The following TTC7A variants were observed in gnomAD, a reference collection of about 807,000 sequenced individuals.
TTC7A encodes the protein tetratricopeptide repeat domain 7A.
TTC7A carries 110 observed loss-of-function variants against 103.7 expected under a neutral mutation model. The ratio of observed to expected loss-of-function variants is 1.06; its 90% CI spans 0.91 to 1.24. The LOEUF (loss-of-function observed/expected upper bound fraction) is 1.24. Ranked by LOEUF, TTC7A falls within the 50% of genes most tolerant of loss-of-function variation. TTC7A has a pLI of 0.00. For missense variants in TTC7A, 1,340 were observed against 1,116.3 expected (o/e 1.20, Z -2.86); for synonymous variants, 521 against 467.9 (o/e 1.11, Z -1.47).
chr2:47,005,771 A>G lies in TTC7A; in HGVS notation c.1066-151A>G. 4 of 811,998 alleles carry G rather than the reference A, an allele frequency of 4.9e-6. No individual in the cohort carries two copies. The South Asian group carries it at 6.6e-5, about 13-fold the overall frequency. 50.3% of individuals were successfully genotyped at this position (811,998 alleles called of 1,614,324 possible). A position where few individuals can be genotyped will look rare whatever the true frequency, so the allele number is the denominator to read the frequency against. On this transcript the variant is annotated intron_variant, in intron 8 of 19. Transcript: ENST00000319190. ...GAGAGGGCCTTTGTGGAGATAGGAA[A>G]AGGCCATTTCTGGGAGTGTGGCCAT...
intron 17 of TTC7A, chr2:47,050,360 T>A: frequency 2.6e-6 from 1 of 387,868 alleles, no homozygotes; most frequent in Non-Finnish European, 4.8e-6. Context: ...GAGGCCACAG[T>A]CCACGTAATG....
chr2:46,930,845 C>T (rs536497954), intron 2 of TTC7A, among the ~76,000 whole-genome samples: 1 of 152,204 alleles, frequency 6.6e-6, no homozygotes, highest in Non-Finnish European at 1.5e-5. Flanking sequence ...AATTTTTAAA[C>T]CTTCCCATAA....
intron 3 of TTC7A, among the ~76,000 whole-genome samples, chr2:46,970,203 G>A (rs1238444747): frequency 6.6e-6 from 1 of 152,070 alleles, no homozygotes; most frequent in Non-Finnish European, 1.5e-5. Context: ...TTCCCAGGCT[G>A]GTCTCAAACT....
intron 8 of TTC7A, chr2:46,999,682 C>T (rs919905014): frequency 3.0e-6 from 3 of 985,290 alleles, no homozygotes; most frequent in African/African-American, 1.7e-5. Flanking sequence ...TTGAAAGAAC[C>T]GTGTATCAAA....
chr2:47,058,684 G>T (rs1244214726), intron 18 of TTC7A, among the ~76,000 whole-genome samples: 3 of 152,252 alleles, frequency 2.0e-5, no homozygotes, highest in African/African-American at 2.4e-5. Context: ...CTCAGCCCCA[G>T]GAGTGGGCAG....
chr2:47,035,239 C>CAT (rs1360998143), intron 15 of TTC7A: 1 of 152,208 alleles, frequency 6.6e-6, no homozygotes, highest in Non-Finnish European at 1.5e-5. Context: ...GGATGCTTAG[C>CAT]ATACCAACAC....
chr2:46,956,789 C>A (rs1671892425), intron 2 of TTC7A, 50 bp from the exon 3 acceptor site: 2 of 1,609,004 alleles, frequency 1.2e-6, no homozygotes, highest in Middle Eastern at 1.7e-4. Flanking sequence ...GGGTGTTCAC[C>A]CCAAGGTAAC....
chr2:46,995,329 C>A, intron 8 of TTC7A, 130 bp downstream of exon 8: 2 of 878,264 alleles, frequency 2.3e-6, no homozygotes, highest in Non-Finnish European at 3.6e-6. Flanking sequence ...AAAGTAGATG[C>A]TTCTTGGCCC....
intron 5 of TTC7A, among the ~76,000 whole-genome samples, chr2:46,979,467 C>T (rs369136354): frequency 6.6e-6 from 1 of 152,082 alleles, no homozygotes; most frequent in African/African-American, 2.4e-5. Flanking sequence ...TGCTTGTTTT[C>T]CTGTGGGTTG....
intron 14 of TTC7A, among the ~76,000 whole-genome samples, chr2:47,025,074 C>T (rs1324154938): frequency 3.3e-5 from 5 of 152,254 alleles, no homozygotes; most frequent in Non-Finnish European, 7.3e-5. Flanking sequence ...ACCTGACTGC[C>T]TGGGGATTGC....
chr2:46,984,879 G>A (rs569308466), intron 5 of TTC7A, among the ~76,000 whole-genome samples: 1 of 152,194 alleles, frequency 6.6e-6, no homozygotes, highest in Non-Finnish European at 1.5e-5. Flanking sequence ...AGGACAGCCT[G>A]GGCAGCCCGT....
rs78637593 is a variant in TTC7A at position 47,007,459 on chromosome 2, A to T, written c.1287+735A>T. Among the ~76,000 whole-genome samples the T allele has an allele frequency of 3.0e-3, 450 of 152,322 alleles. 9 individuals are homozygous for T. The South Asian group carries it at 0.045, about 15-fold the overall frequency. ...GAGGATGCTATGAATGCAGGAAATAAGGTGGCATGAGCTTGCAGATTGTTC... is the reference window on the plus strand; with the variant it reads ...GAGGATGCTATGAATGCAGGAAATATGGTGGCATGAGCTTGCAGATTGTTC... On this transcript the variant is annotated intron_variant, in intron 10 of 19. Transcript: ENST00000319190. The surrounding 1 kb of genome is among the most constrained non-coding windows in gnomAD (Gnocchi z 4.9).
At chr2:47,039,186 C>G (rs1681475184) in intron 15 of TTC7A, among the ~76,000 whole-genome samples, 1 of 152,226 alleles carries the variant, frequency 6.6e-6, no homozygotes, top group Non-Finnish European at 1.5e-5. Context: ...CCCACATCAT[C>G]TGATGCTGAA....
At chr2:47,014,636 CAG>C (rs1191462431) in intron 11 of TTC7A, among the ~76,000 whole-genome samples, 1 of 152,156 alleles carries the variant, frequency 6.6e-6, no homozygotes, top group African/African-American at 2.4e-5. Flanking sequence ...GTGCATGAGA[CAG>C]GGCACAGATC....
chr2:46,971,794 C>G (rs940204633), intron 3 of TTC7A, among the ~76,000 whole-genome samples: 1 of 152,054 alleles, frequency 6.6e-6, no homozygotes, highest in Admixed American at 6.6e-5. Flanking sequence ...CCTCTACTTA[C>G]TACATGTAAA....
rs146031665 is a variant in TTC7A at position 46,983,994 on chromosome 2, T to G, written c.764+5087T>G. On this transcript the variant is annotated intron_variant, in intron 5 of 19. Transcript: ENST00000319190. ...CTTTATTCATCCATTTCAGGGATAT[T>G]TCTTAGGATAATGCATGCCACTTAG... Among the ~76,000 whole-genome samples the G allele has an allele frequency of 3.9e-3, 597 of 152,326 alleles. 8 individuals carry two copies. Among genetic ancestry groups the G allele is most frequent in the African/African-American group, 0.014 (581 of 41,570 alleles).
chr2:46,955,797 A>C (rs1004815385), intron 2 of TTC7A, among the ~76,000 whole-genome samples: 1 of 152,164 alleles, frequency 6.6e-6, no homozygotes, highest in Non-Finnish European at 1.5e-5. Context: ...CAGGGGTAGC[A>C]CCTTCCTGCC....
At chr2:46,931,718 A>ATAAATAAG (rs1669718513) in intron 2 of TTC7A, among the ~76,000 whole-genome samples, 1 of 151,926 alleles carries the variant, frequency 6.6e-6, no homozygotes, top group African/African-American at 2.4e-5. Context: ...AAATAAATAA[A>ATAAATAAG]TAAATAAAAT....
chr2:47,061,216 C>G (rs939316588), intron 19 of TTC7A, among the ~76,000 whole-genome samples: 2 of 152,180 alleles, frequency 1.3e-5, no homozygotes, highest in Admixed American at 6.5e-5. Flanking sequence ...ATGACAAAAT[C>G]TAGAAGGTTT....
Sources: allele counts gnomAD v4.1 joint callset (sites outside exome capture counted in the v4.1 genomes callset), GRCh38; gene constraint gnomAD v4.1.1; non-coding constraint Gnocchi (gnomAD v3.1); transcripts MANE v1.5; gene names NCBI Gene and HGNC (gene_info 2026-07-23, HGNC 2026-07-21).